Variants in SUV39H2 observed in about 807,000 individuals in gnomAD.
SUV39H2 encodes the protein histone-lysine N-methyltransferase SUV39H2.
In SUV39H2, 10 loss-of-function variants were observed where a neutral mutation model predicts 47.5. The observed-to-expected ratio is 0.21, with a 90% CI of 0.13 to 0.36. SUV39H2 has a LOEUF of 0.36. SUV39H2 is among the 10% of genes least tolerant of loss of function. The pLI, the probability that SUV39H2 is intolerant of heterozygous loss-of-function variation, is 1.00. For missense variants in SUV39H2, 266 were observed against 487.4 expected (o/e 0.55, Z 4.28); for synonymous variants, 159 against 166.8 (o/e 0.95, Z 0.36).
chr10:14,897,215 T>A lies in SUV39H2; in HGVS notation c.547T>A (p.Leu183Ile). The change falls in exon 3 of 6, where the codon TTA becomes ATA. Residue 183 changes from leucine (L) to isoleucine (I), a missense_variant. By Grantham distance (5) the Leu-to-Ile change is conservative. Around this residue, in one of 4 missense-constraint regions of SUV39H2, gnomAD observed 91 missense variants for 110.9 expected, o/e 0.82. Coordinates refer to ENST00000354919, the MANE Select transcript of SUV39H2 (RefSeq NM_001193424.2). Reference sequence around the variant, plus strand: ...ATACAAACCAGCTCCTGGAATCAGCTTAGTCAATGAAGCTACCTTTGGTTG... The same window carrying A: ...ATACAAACCAGCTCCTGGAATCAGCATAGTCAATGAAGCTACCTTTGGTTG... ...NEYKPAPGIS[L>I]VNEATFGCSC... 1 of 1,613,906 alleles carries A rather than the reference T, an allele frequency of 6.2e-7. No homozygotes were observed.
intron 2 of SUV39H2, among the ~76,000 whole-genome samples, chr10:14,883,159 A>G (rs1423638215): frequency 2.6e-5 from 4 of 151,452 alleles, no homozygotes; most frequent in East Asian, 3.9e-4. Context: ...GAGCCACTGC[A>G]CCCCGCCAGA....
rs377613404 is a variant in SUV39H2, at chr10:14,885,534, T to C, written c.177+3889T>C. Among the ~76,000 whole-genome samples the C allele has an allele frequency of 2.6e-5, 4 of 152,356 alleles. No individual in the cohort carries two copies. The East Asian group carries it at 7.7e-4, about 29-fold the overall frequency. ...TAAGGGAGCTACCAAGATTCTTGTG[T>C]GGAATCCTGAGTGTTGTAGTTCAGT... is the stretch of plus-strand genomic sequence containing the variant. On this transcript the variant is annotated intron_variant, in intron 2 of 5. Transcript: ENST00000354919.
At chr10:14,888,770 G>C (rs1833294106) in intron 2 of SUV39H2, among the ~76,000 whole-genome samples, 1 of 152,064 alleles carries the variant, frequency 6.6e-6, no homozygotes, top group African/African-American at 2.4e-5. Context: ...GGTCACTGAT[G>C]CCCTTAGAGC....
intron 1 of SUV39H2, 41 bp from the exon 2 acceptor site, chr10:14,881,459 T>A: frequency 7.3e-7 from 1 of 1,377,128 alleles, no homozygotes; most frequent in Non-Finnish European, 9.5e-7. Context: ...TTTAATTGAA[T>A]AGCTATTTCA....
At position 14,902,605 on chromosome 10, in the gene SUV39H2, T is replaced by C; in HGVS notation, c.*93T>C. The stretch of plus-strand genomic sequence containing the variant: ...ATATTTGGGACTCTTATTATCAAGG[T>C]TCTACCTATGTTAATTTACAATTCA... On this transcript the variant is annotated 3_prime_UTR_variant, in exon 6 of 6. Transcript: ENST00000354919. 1 of 761,014 alleles carries C rather than the reference T, an allele frequency of 1.3e-6. No individual in the cohort carries two copies. Among genetic ancestry groups the C allele is most frequent in the Non-Finnish European group, 2.0e-6 (1 of 498,416 alleles). The allele number at this position is 761,014 out of a possible 1,614,324, so 47.1% of individuals were successfully genotyped here.
chr10:14,892,242 C>A (rs1405697113), intron 2 of SUV39H2, among the ~76,000 whole-genome samples: 1 of 152,138 alleles, frequency 6.6e-6, no homozygotes, highest in Non-Finnish European at 1.5e-5. Context: ...TAAAATTGTT[C>A]CTAACTAACA....
At position 14,891,160 on chromosome 10, in the gene SUV39H2, G is replaced by GT. The variant is rs1440862212; in HGVS notation, c.178-5682dup. Among the ~76,000 whole-genome samples, 5 of 152,330 alleles carry GT rather than the reference G, an allele frequency of 3.3e-5. No homozygotes were observed. In the South Asian group the frequency reaches 6.2e-4, roughly 19 times the overall value. On this transcript the variant is annotated intron_variant, in intron 2 of 5. Coordinates refer to ENST00000354919, the MANE Select transcript of SUV39H2 (RefSeq NM_001193424.2). ...TCATAGAAGAGGTGATATTTACACC[G>GT]TTTTAAAAGATGAGATGAGCATTCA...
chr10:14,885,795 A>T (rs1444609676), intron 2 of SUV39H2, among the ~76,000 whole-genome samples: 2 of 152,104 alleles, frequency 1.3e-5, no homozygotes, highest in African/African-American at 4.8e-5. Flanking sequence ...TAGGTGAAGG[A>T]TCTTATGACC....
At chr10:14,888,840 C>T (rs190837794) in intron 2 of SUV39H2, among the ~76,000 whole-genome samples, 3 of 152,252 alleles carry the variant, frequency 2.0e-5, no homozygotes, top group African/African-American at 7.2e-5. Flanking sequence ...TGCAGTGGCT[C>T]ACGCCTGTAA....
At chr10:14,885,811 C>T (rs1482652833) in intron 2 of SUV39H2, among the ~76,000 whole-genome samples, 1 of 152,134 alleles carries the variant, frequency 6.6e-6, no homozygotes, top group Non-Finnish European at 1.5e-5. Flanking sequence ...TGACCTTGTC[C>T]TTTTCTTGTG....
At chr10:14,901,804 G>A (rs555163845) in intron 5 of SUV39H2, among the ~76,000 whole-genome samples, 2 of 151,792 alleles carry the variant, frequency 1.3e-5, no homozygotes, top group South Asian at 2.1e-4. Context: ...CTGCACTCCA[G>A]CCTGGACGAC....
chr10:14,879,030 G>A, intron 1 of SUV39H2, 111 bp downstream of exon 1: 1 of 1,317,562 alleles, frequency 7.6e-7, no homozygotes, highest in Non-Finnish European at 9.7e-7. Flanking sequence ...GCGGTTCCCC[G>A]CCCGCCGCGA....
At chr10:14,900,992 T>A (rs1304645090) in intron 4 of SUV39H2, 141 bp from the exon 5 acceptor site, 1 of 1,101,710 alleles carries the variant, frequency 9.1e-7, no homozygotes, top group East Asian at 2.5e-5. Context: ...TGTGCATGCC[T>A]CAAAGACCTC....
At chr10:14,901,420 G>C (rs1320404152) in intron 5 of SUV39H2, among the ~76,000 whole-genome samples, 158 bp downstream of exon 5, 1 of 152,164 alleles carries the variant, frequency 6.6e-6, no homozygotes, top group Non-Finnish European at 1.5e-5. Flanking sequence ...TAATCCAACA[G>C]CTAATACTAG....
In SUV39H2 at chr10:14,900,053, A is replaced by G. The variant is rs10430784; in HGVS notation, c.996+368A>G. On this transcript the variant is annotated intron_variant, in intron 4 of 5. Transcript: ENST00000354919. The stretch of plus-strand genomic sequence containing the variant: ...TATCTTAATGGAAGTTAACACGACT[A>G]CATTTTAGGATGTACAACTGAAGGT... 3.7e-4 allele frequency among the ~76,000 whole-genome samples: 57 copies of G among 152,372 alleles called. No individual in the cohort carries two copies. In the East Asian group the frequency reaches 0.011, roughly 29 times the overall value.
At position 14,893,886 on chromosome 10, in the gene SUV39H2, T is replaced by A. The variant is rs570889722; in HGVS notation, c.178-2960T>A. ...GGCAGATGTTTTTAGTGTTCCTGGA[T>A]GATTTAACCATTGACTTAAAGCCAT... is the stretch of plus-strand genomic sequence containing the variant. On this transcript the variant is annotated intron_variant, in intron 2 of 5. Transcript: ENST00000354919. Among the ~76,000 whole-genome samples the A allele has an allele frequency of 3.3e-5, 5 of 152,318 alleles. No individual in the cohort carries two copies. In the South Asian group the frequency reaches 6.2e-4, roughly 19 times the overall value.
chr10:14,883,384 A>G (rs1196261637), intron 2 of SUV39H2, among the ~76,000 whole-genome samples: 2 of 151,962 alleles, frequency 1.3e-5, no homozygotes, highest in Non-Finnish European at 2.9e-5. Flanking sequence ...ATGCTATCAT[A>G]CAGCTCACCT....
rs558059377 is a variant in SUV39H2, at chr10:14,902,610, C to T, written c.*98C>T. Reference sequence around the variant, plus strand: ...TGGGACTCTTATTATCAAGGTTCTACCTATGTTAATTTACAATTCATGTTT... The same window carrying T: ...TGGGACTCTTATTATCAAGGTTCTATCTATGTTAATTTACAATTCATGTTT... On this transcript the variant is annotated 3_prime_UTR_variant, in exon 6 of 6. Coordinates refer to ENST00000354919, the MANE Select transcript of SUV39H2 (RefSeq NM_001193424.2). 1.4e-6 allele frequency: 1 copy of T among 735,300 alleles called. No individual in the cohort carries two copies. Among genetic ancestry groups the T allele is most frequent in the Non-Finnish European group, 2.1e-6 (1 of 478,790 alleles). 45.5% of individuals were successfully genotyped at this position (735,300 alleles called of 1,614,324 possible). A position where few individuals can be genotyped will look rare whatever the true frequency, so the allele number is the denominator to read the frequency against.
chr10:14,901,136 G>T lies in SUV39H2; in HGVS notation c.1000G>T (p.Asp334Tyr). The change falls in exon 5 of 6, where the codon GAC (aspartate) becomes TAC (tyrosine). Residue 334 changes from aspartate to tyrosine, a missense_variant. This residue lies in a region of SUV39H2 where 112 missense variants were observed against 271.9 expected (regional missense o/e 0.41). Coordinates refer to ENST00000354919, the MANE Select transcript of SUV39H2 (RefSeq NM_001193424.2). ...GGGTTCTAATGTTCCTTTTTAGTGT[G>T]ACCCAAATCTTCAGGTGTTCAATGT... ...NVSHFVNHSC[D>Y]PNLQVFNVFI... 2 of 1,613,706 alleles carry T rather than the reference G, an allele frequency of 1.2e-6. No individual in the cohort carries two copies. The highest frequency in any genetic ancestry group is 2.2e-5 in the South Asian group (2 of 91,016).
Sources: allele counts gnomAD v4.1 joint callset (sites outside exome capture counted in the v4.1 genomes callset), GRCh38; gene constraint gnomAD v4.1.1; regional missense constraint gnomAD v4.1.1; transcripts MANE v1.5; gene names NCBI Gene and HGNC (gene_info 2026-07-23, HGNC 2026-07-21).